ERC2: variants seen among roughly 807,000 people sequenced by gnomAD.
ERC2 encodes the protein ERC protein 2.
ERC2 carries 42 observed loss-of-function variants against 114.8 expected under a neutral mutation model. That is an observed-to-expected ratio of 0.37 (90% CI 0.29 to 0.47). ERC2 has a LOEUF of 0.47. Among genes scored for constraint, ERC2 ranks in the 20% least tolerant of loss-of-function variants. The pLI is 0.99. For missense variants in ERC2, 939 were observed against 1,150.7 expected, an observed-to-expected ratio of 0.82 and a Z score of 2.66; for synonymous variants, 454 against 425.5, an observed-to-expected ratio of 1.07 and a Z score of -0.82.
chr3:55,749,947 C>G (rs577656568), intron 14 of ERC2, among the ~76,000 whole-genome samples: 1 of 152,272 alleles, frequency 6.6e-6, no homozygotes, highest in East Asian at 1.9e-4. Flanking sequence ...CAAAGGGATT[C>G]AAGATCCCAT....
chr3:55,803,391 A>G (rs2059376851), intron 14 of ERC2, among the ~76,000 whole-genome samples: 1 of 152,174 alleles, frequency 6.6e-6, no homozygotes, highest in East Asian at 1.9e-4. Context: ...ACTGGGAAGA[A>G]CATTAATGAA....
intron 15 of ERC2, among the ~76,000 whole-genome samples, chr3:55,712,035 G>T (rs1183878625): frequency 1.3e-5 from 2 of 152,158 alleles, no homozygotes; most frequent in African/African-American, 4.8e-5. Context: ...GTAAAATATT[G>T]TATCCCATGT....
At chr3:55,848,624 A>G (rs148164120) in intron 14 of ERC2, among the ~76,000 whole-genome samples, 1 of 152,238 alleles carries the variant, frequency 6.6e-6, no homozygotes, top group Non-Finnish European at 1.5e-5. Context: ...ATGACTCACC[A>G]TTCTCTAAGC....
chr3:56,282,601 T>TA (rs5849140), intron 3 of ERC2, among the ~76,000 whole-genome samples: 53,426 of 151,982 alleles, frequency 0.35, 10,239 homozygotes, highest in Middle Eastern at 0.45. Context: ...CTACATCTCA[T>TA]AGAGTTGTTC....
At chr3:56,098,694 G>A (rs1466471239) in intron 6 of ERC2, among the ~76,000 whole-genome samples, 1 of 152,166 alleles carries the variant, frequency 6.6e-6, no homozygotes. Context: ...GCTTCATAGA[G>A]CCTAATGTTA....
intron 5 of ERC2, among the ~76,000 whole-genome samples, chr3:56,141,630 T>C (rs1466441507): frequency 6.6e-6 from 1 of 152,344 alleles, no homozygotes; most frequent in African/African-American, 2.4e-5. Flanking sequence ...ATTACAACTA[T>C]ACCAAAAGTA....
intron 12 of ERC2, among the ~76,000 whole-genome samples, chr3:55,980,597 A>G (rs2070044343): frequency 6.6e-6 from 1 of 152,238 alleles, no homozygotes; most frequent in Non-Finnish European, 1.5e-5. Flanking sequence ...AATACTAAGA[A>G]ACTATTTTTT....
At chr3:56,057,707 G>A (rs1020089604) in intron 7 of ERC2, among the ~76,000 whole-genome samples, 2 of 152,158 alleles carry the variant, frequency 1.3e-5, no homozygotes, top group African/African-American at 4.8e-5. Context: ...GTTACATGGT[G>A]GATGCCGATC....
chr3:55,995,397 ATCTC>A (rs1018381642), intron 10 of ERC2, among the ~76,000 whole-genome samples: 8 of 152,176 alleles, frequency 5.3e-5, no homozygotes, highest in South Asian at 2.1e-4. Context: ...TGTGAGTTAA[ATCTC>A]TCTATCTCTA....
chr3:55,655,525 G>A (rs1044592597), intron 17 of ERC2, among the ~76,000 whole-genome samples: 1 of 152,138 alleles, frequency 6.6e-6, no homozygotes, highest in African/African-American at 2.4e-5. Context: ...CACAGATATG[G>A]CTATACTGAG....
At chr3:55,823,351 T>C (rs912904353) in intron 14 of ERC2, among the ~76,000 whole-genome samples, 5 of 152,214 alleles carry the variant, frequency 3.3e-5, no homozygotes, top group Non-Finnish European at 5.9e-5. Flanking sequence ...TCTGCCTTCA[T>C]AGTGTTCACC....
Position 55,642,992 on chromosome 3 carries a change from G to A in ERC2, c.*39+40802C>T, listed in dbSNP as rs59342847. Reference sequence around the variant, plus strand: ...ATTTACCTGGTTTTATATTTTCATGGGCAAATATAGCACGGAAATTTACTA... The same window carrying A: ...ATTTACCTGGTTTTATATTTTCATGAGCAAATATAGCACGGAAATTTACTA... On this transcript the variant is annotated intron_variant, in intron 17 of 17. Coordinates refer to ENST00000288221, the MANE Select transcript of ERC2 (RefSeq NM_015576.3). 6.4e-3 allele frequency among the ~76,000 whole-genome samples: 978 copies of A among 152,090 alleles called. 11 individuals carry two copies. Among genetic ancestry groups the A allele is most frequent in the African/African-American group, 0.022 (919 of 41,474 alleles).
chr3:56,154,192 C>T (rs926303167), intron 4 of ERC2, among the ~76,000 whole-genome samples: 2 of 151,930 alleles, frequency 1.3e-5, no homozygotes, highest in Non-Finnish European at 2.9e-5. Context: ...TTATATGAGC[C>T]CAAGTTAGAC....
At chr3:55,671,203 C>A (rs1181481707) in intron 17 of ERC2, among the ~76,000 whole-genome samples, 3 of 152,138 alleles carry the variant, frequency 2.0e-5, no homozygotes, top group Non-Finnish European at 4.4e-5. Flanking sequence ...ACAGAGAATA[C>A]TAATTTTGAT....
intron 17 of ERC2, among the ~76,000 whole-genome samples, chr3:55,636,737 G>C (rs1165272643): frequency 6.6e-6 from 1 of 152,226 alleles, no homozygotes; most frequent in African/African-American, 2.4e-5. Context: ...AGGTGTGGCT[G>C]TGCTCCAACA....
At chr3:55,941,694 A>T (rs2066807172) in intron 13 of ERC2, among the ~76,000 whole-genome samples, 1 of 152,128 alleles carries the variant, frequency 6.6e-6, no homozygotes, top group Admixed American at 6.5e-5. Flanking sequence ...AAATATCCAC[A>T]CTTGTTTTCC....
intron 10 of ERC2, among the ~76,000 whole-genome samples, chr3:55,992,638 C>T (rs1391262268): frequency 6.6e-6 from 1 of 152,124 alleles, no homozygotes; most frequent in Admixed American, 6.6e-5. Context: ...AAAATGCTTC[C>T]ATTTCCAATA....
chr3:56,391,424 C>A (rs535581940), intron 2 of ERC2, among the ~76,000 whole-genome samples: 30 of 152,294 alleles, frequency 2.0e-4, no homozygotes, highest in African/African-American at 6.3e-4. Flanking sequence ...TCTGAGAAGA[C>A]TCTCACATCA....
At chr3:56,325,229 G>A (rs968206513) in intron 2 of ERC2, among the ~76,000 whole-genome samples, 2 of 152,102 alleles carry the variant, frequency 1.3e-5, no homozygotes, top group African/African-American at 2.4e-5. Flanking sequence ...TGGATTACGA[G>A]GTCAGGAGAC....
Sources: gnomAD v4.1 joint callset for allele counts (sites outside exome capture counted in the v4.1 genomes callset) on GRCh38, gnomAD v4.1.1 for gene constraint, MANE v1.5 for transcripts, NCBI Gene and HGNC (gene_info 2026-07-23, HGNC 2026-07-21) for gene names.